DPP10: variants seen among roughly 807,000 people sequenced by gnomAD.
DPP10 encodes the protein inactive dipeptidyl peptidase 10.
DPP10 carries 33 observed loss-of-function variants against 120.9 expected under a neutral mutation model. That is an observed-to-expected ratio of 0.27 (90% CI 0.21 to 0.37). The LOEUF (loss-of-function observed/expected upper bound fraction) is 0.37. DPP10 is among the 10% of genes least tolerant of loss of function. DPP10 has a pLI of 1.00. For missense variants in DPP10, 816 were observed against 942.8 expected (o/e 0.87, Z 1.76); for synonymous variants, 337 against 326.1 (o/e 1.03, Z -0.36).
At chr2:114,644,646 T>G (rs1372340150) in intron 1 of DPP10, among the ~76,000 whole-genome samples, 1 of 151,858 alleles carries the variant, frequency 6.6e-6, no homozygotes, top group Non-Finnish European at 1.5e-5. Flanking sequence ...GGTTCACATT[T>G]TCAGCCTTTA....
intron 1 of DPP10, among the ~76,000 whole-genome samples, chr2:115,058,918 C>T (rs1706169115): frequency 6.6e-6 from 1 of 152,152 alleles, no homozygotes; most frequent in South Asian, 2.1e-4. Flanking sequence ...CTGTTGAGTG[C>T]CTTCAGCGGA....
intron 1 of DPP10, among the ~76,000 whole-genome samples, chr2:114,474,732 A>G (rs1207117445): frequency 6.6e-6 from 1 of 152,220 alleles, no homozygotes; most frequent in Non-Finnish European, 1.5e-5. Context: ...CACAACTTTG[A>G]CCTTGGGGGA....
intron 1 of DPP10, among the ~76,000 whole-genome samples, chr2:115,055,163 A>C (rs1705803603): frequency 6.6e-6 from 1 of 152,164 alleles, no homozygotes; most frequent in Non-Finnish European, 1.5e-5. Context: ...TTTCTTTCAA[A>C]GAGGCTAGCT....
chr2:115,052,850 G>C (rs1054076483), intron 1 of DPP10, among the ~76,000 whole-genome samples: 7 of 151,752 alleles, frequency 4.6e-5, no homozygotes, highest in African/African-American at 1.7e-4. Context: ...TACTCAGGAG[G>C]CTTAGGCAGG....
intron 3 of DPP10, among the ~76,000 whole-genome samples, chr2:115,481,800 A>G (rs555633905): frequency 6.6e-6 from 1 of 152,200 alleles, no homozygotes; most frequent in East Asian, 1.9e-4. Context: ...TGATAAAAAT[A>G]CTTCATTATA....
chr2:115,016,394 GA>G (rs1331036747), intron 1 of DPP10, among the ~76,000 whole-genome samples: 1 of 151,976 alleles, frequency 6.6e-6, no homozygotes. Context: ...CTAAAACCAT[GA>G]AAACCCTAGA....
chr2:115,776,625 T>G (rs899917160), intron 13 of DPP10, among the ~76,000 whole-genome samples: 3 of 152,242 alleles, frequency 2.0e-5, no homozygotes, highest in African/African-American at 7.2e-5. Context: ...GAATACTTTT[T>G]GGGTCAAACA....
chr2:115,342,189 ATG>A (rs145626499), intron 2 of DPP10: 588 of 446,664 alleles, frequency 1.3e-3, no homozygotes, highest in East Asian at 2.4e-3. Flanking sequence ...TTATGTATGT[ATG>A]TGTGTGTGTG....
intron 1 of DPP10, among the ~76,000 whole-genome samples, chr2:115,005,542 A>C (rs1477742653): frequency 6.6e-6 from 1 of 151,856 alleles, no homozygotes; most frequent in African/African-American, 2.4e-5. Context: ...GGAGCTGAAA[A>C]CCAAGGCTCG....
rs184649228 is a variant in DPP10, at chr2:114,818,819, C to T, written c.60+375981C>T. 2.5e-3 allele frequency among the ~76,000 whole-genome samples: 375 copies of T among 152,266 alleles called. 1 individual carries two copies. Among genetic ancestry groups the T allele is most frequent in the Non-Finnish European group, 4.5e-3 (303 of 68,016 alleles). ...TTATCCATGAACCTTTTCTACCACA[C>T]GCACCATTCTTTATCCCCATGCCCC... is the stretch of plus-strand genomic sequence containing the variant. On this transcript the variant is annotated intron_variant, in intron 1 of 25. Coordinates refer to ENST00000410059, the MANE Select transcript of DPP10 (RefSeq NM_020868.6).
chr2:114,897,637 A>C (rs1200277109), intron 1 of DPP10, among the ~76,000 whole-genome samples: 2 of 151,842 alleles, frequency 1.3e-5, no homozygotes, highest in Non-Finnish European at 2.9e-5. Flanking sequence ...CAATGAACTC[A>C]AACAAATTTA....
rs140315905 is a variant in DPP10 at position 114,876,331 on chromosome 2, G to T, written c.61-432908G>T. On this transcript the variant is annotated intron_variant, in intron 1 of 25. Coordinates refer to ENST00000410059, the MANE Select transcript of DPP10 (RefSeq NM_020868.6). ...GGGAATAAAGTTCTTTGTTCTATTCGGTGGACTTCCATTCACAATTTTTCC... is the reference window on the plus strand; with the variant it reads ...GGGAATAAAGTTCTTTGTTCTATTCTGTGGACTTCCATTCACAATTTTTCC... Among the ~76,000 whole-genome samples, 6 of 152,110 alleles carry T rather than the reference G, an allele frequency of 3.9e-5. No individual in the cohort carries two copies. The East Asian group carries it at 1.2e-3, about 30-fold the overall frequency.
At chr2:114,520,934 CT>C (rs1352573617) in intron 1 of DPP10, among the ~76,000 whole-genome samples, 1 of 152,100 alleles carries the variant, frequency 6.6e-6, no homozygotes, top group East Asian at 1.9e-4. Flanking sequence ...AAAGTGGAAA[CT>C]GATAGCTTCT....
intron 19 of DPP10, among the ~76,000 whole-genome samples, chr2:115,800,651 T>A (rs1317547515): frequency 6.6e-6 from 1 of 152,208 alleles, no homozygotes; most frequent in Non-Finnish European, 1.5e-5. Flanking sequence ...GCTTTCTACA[T>A]ATGGCTAGCC....
intron 1 of DPP10, among the ~76,000 whole-genome samples, chr2:115,214,268 C>T (rs1400455315): frequency 2.0e-5 from 3 of 152,190 alleles, no homozygotes; most frequent in Non-Finnish European, 4.4e-5. Context: ...TTAGTGACAA[C>T]TCTGGCTTTC....
At chr2:115,772,515 T>G (rs1406586097) in intron 13 of DPP10, among the ~76,000 whole-genome samples, 1 of 152,280 alleles carries the variant, frequency 6.6e-6, no homozygotes, top group African/African-American at 2.4e-5. Context: ...TAAATAAAAC[T>G]ATGGCTTTTC....
rs182467020 is a variant in DPP10 at position 115,547,220 on chromosome 2, A to T, written c.441+21248A>T. Among the ~76,000 whole-genome samples the T allele has an allele frequency of 1.3e-3, 192 of 152,266 alleles. 1 individual carries two copies. Among genetic ancestry groups the T allele is most frequent in the African/African-American group, 4.5e-3 (189 of 41,578 alleles). ...TCATTCTTCATCTTTCACTTTGCTA[A>T]ATAATTGTGGAACAGTATTTTAAAA... is the stretch of plus-strand genomic sequence containing the variant. On this transcript the variant is annotated intron_variant, in intron 5 of 25. Transcript: ENST00000410059.
chr2:115,353,317 G>T (rs1258091539), intron 3 of DPP10, among the ~76,000 whole-genome samples: 1 of 152,096 alleles, frequency 6.6e-6, no homozygotes, highest in South Asian at 2.1e-4. Flanking sequence ...AAGTTTAACG[G>T]TAAGGAAAAT....
chr2:115,719,763 CT>C (rs1291721862), intron 7 of DPP10, among the ~76,000 whole-genome samples: 7 of 151,900 alleles, frequency 4.6e-5, no homozygotes, highest in Non-Finnish European at 4.4e-5. Context: ...AACATTTTTC[CT>C]TTTGCTTTAA....
Sources: gnomAD v4.1 joint callset for allele counts (sites outside exome capture counted in the v4.1 genomes callset) on GRCh38, gnomAD v4.1.1 for gene constraint, MANE v1.5 for transcripts, NCBI Gene and HGNC (gene_info 2026-07-23, HGNC 2026-07-21) for gene names.